Variants in PEBP4 observed in about 807,000 individuals in gnomAD.
PEBP4 encodes phosphatidylethanolamine binding protein 4.
Under a neutral mutation model 23.9 loss-of-function variants are expected in PEBP4, and 22 were observed. That is an observed-to-expected ratio of 0.92 (90% CI 0.66 to 1.31). PEBP4 has a LOEUF of 1.31. Among genes scored for constraint, PEBP4 ranks in the 40% most tolerant of loss-of-function variants. The pLI is 0.00. For synonymous variants in PEBP4, 112 were observed against 99.3 expected (o/e 1.13, Z -0.76); for missense variants, 324 against 281.7 (o/e 1.15, Z -1.07).
chr8:22,897,373 C>T (rs745592464), intron 3 of PEBP4, among the ~76,000 whole-genome samples: 1 of 151,986 alleles, frequency 6.6e-6, no homozygotes, highest in Non-Finnish European at 1.5e-5. Flanking sequence ...TACTGCTTGT[C>T]GAAGGAGAAG....
chr8:22,901,068 A>G (rs1808700843), intron 3 of PEBP4, among the ~76,000 whole-genome samples: 1 of 152,236 alleles, frequency 6.6e-6, no homozygotes, highest in Non-Finnish European at 1.5e-5. Flanking sequence ...CAATAGCCCT[A>G]CACATTTGCT....
intron 1 of PEBP4, 50 bp from the exon 2 acceptor site, chr8:22,927,770 C>T (rs1382938336): frequency 1.7e-5 from 28 of 1,606,954 alleles, no homozygotes. Flanking sequence ...AGGGGCCTTC[C>T]TGCCCACTAC....
intron 3 of PEBP4, among the ~76,000 whole-genome samples, chr8:22,839,325 G>C (rs530533954): frequency 6.6e-6 from 1 of 152,272 alleles, no homozygotes; most frequent in African/African-American, 2.4e-5. Context: ...TTGGGAAGAG[G>C]CAGGGGCTTT....
At chr8:22,772,500 T>C (rs1483753997) in intron 4 of PEBP4, among the ~76,000 whole-genome samples, 15 of 150,500 alleles carry the variant, frequency 1.0e-4, no homozygotes, top group East Asian at 3.9e-4. Flanking sequence ...TCTCTTTTTT[T>C]TTTTTTTTTT....
intron 3 of PEBP4, among the ~76,000 whole-genome samples, chr8:22,844,152 C>G (rs565779607): frequency 6.6e-6 from 1 of 152,318 alleles, no homozygotes; most frequent in East Asian, 1.9e-4. Flanking sequence ...CATTTTCCAG[C>G]TGACAGAGAA....
chr8:22,858,764 T>C (rs979971466), intron 3 of PEBP4, among the ~76,000 whole-genome samples: 25 of 152,126 alleles, frequency 1.6e-4, no homozygotes, highest in African/African-American at 6.0e-4. Context: ...CTAGCCAACA[T>C]GGTGAAATCC....
At chr8:22,893,866 A>G (rs1433601589) in intron 3 of PEBP4, among the ~76,000 whole-genome samples, 1 of 152,180 alleles carries the variant, frequency 6.6e-6, no homozygotes, top group East Asian at 1.9e-4. Flanking sequence ...ATTCCCTTTT[A>G]GGGAATATTA....
chr8:22,755,483 C>A (rs962834352), intron 4 of PEBP4, among the ~76,000 whole-genome samples: 2 of 151,890 alleles, frequency 1.3e-5, no homozygotes, highest in African/African-American at 2.4e-5. Context: ...TTACAGGTGC[C>A]CGCCACCACA....
At chr8:22,917,698 G>A (rs1334287978) in intron 3 of PEBP4, among the ~76,000 whole-genome samples, 1 of 152,106 alleles carries the variant, frequency 6.6e-6, no homozygotes, top group Non-Finnish European at 1.5e-5. Flanking sequence ...TTGCATTCAG[G>A]GCAACCATCC....
chr8:22,905,863 C>T (rs1808800608), intron 3 of PEBP4, among the ~76,000 whole-genome samples: 2 of 152,314 alleles, frequency 1.3e-5, no homozygotes, highest in South Asian at 2.1e-4. Context: ...GTACACCTCA[C>T]GTGGCCCTGT....
chr8:22,734,594 C>T (rs1251242950), intron 4 of PEBP4, among the ~76,000 whole-genome samples: 1 of 152,186 alleles, frequency 6.6e-6, no homozygotes, highest in Non-Finnish European at 1.5e-5. Context: ...GGTATCTTGG[C>T]ACAGTCTGGC....
At chr8:22,795,163 ATTTTTTTTTTTT>A (rs33911395) in intron 4 of PEBP4, among the ~76,000 whole-genome samples, 45 of 47,344 alleles carry the variant, frequency 9.5e-4, no homozygotes, top group African/African-American at 4.0e-3. Flanking sequence ...ATATATATAT[ATTTTTTTTTTTT>A]TTTTTTTTTT....
chr8:22,747,901 G>A (rs1805162774), intron 4 of PEBP4, among the ~76,000 whole-genome samples: 1 of 152,206 alleles, frequency 6.6e-6, no homozygotes, highest in Non-Finnish European at 1.5e-5. Context: ...TGTGGAGCAG[G>A]AGCCCAGGGC....
At chr8:22,907,768 G>C (rs1808846344) in intron 3 of PEBP4, among the ~76,000 whole-genome samples, 2 of 152,170 alleles carry the variant, frequency 1.3e-5, no homozygotes, top group African/African-American at 2.4e-5. Flanking sequence ...GCCTGGCTGA[G>C]AGTATGCTGG....
chr8:22,834,289 C>G (rs750562785), intron 3 of PEBP4, among the ~76,000 whole-genome samples: 14 of 152,222 alleles, frequency 9.2e-5, no homozygotes, highest in Non-Finnish European at 1.8e-4. Flanking sequence ...TTGAGTGTAA[C>G]AGCTGCTCTT....
chr8:22,853,802 G>A (rs1807590618), intron 3 of PEBP4, among the ~76,000 whole-genome samples: 2 of 152,204 alleles, frequency 1.3e-5, no homozygotes, highest in Non-Finnish European at 2.9e-5. Context: ...AACTTGTCCG[G>A]ACGAAGGCAA....
chr8:22,848,780 G>A (rs531437231), intron 3 of PEBP4, among the ~76,000 whole-genome samples: 1 of 152,184 alleles, frequency 6.6e-6, no homozygotes, highest in African/African-American at 2.4e-5. Context: ...GATGATGAGT[G>A]TCATCAAGAA....
At chr8:22,745,903 G>T (rs1805105639) in intron 4 of PEBP4, among the ~76,000 whole-genome samples, 1 of 152,228 alleles carries the variant, frequency 6.6e-6, no homozygotes, top group African/African-American at 2.4e-5. Flanking sequence ...TTAGGCGGCA[G>T]AACTGGAATT....
intron 4 of PEBP4, among the ~76,000 whole-genome samples, chr8:22,796,206 G>C (rs145464915): frequency 6.6e-6 from 1 of 152,196 alleles, no homozygotes; most frequent in East Asian, 1.9e-4. Context: ...ACAAATATCA[G>C]ACTCTTGAAC....
Sources: gnomAD v4.1 joint callset for allele counts (sites outside exome capture counted in the v4.1 genomes callset) on GRCh38, gnomAD v4.1.1 for gene constraint, MANE v1.5 for transcripts, NCBI Gene and HGNC (gene_info 2026-07-23, HGNC 2026-07-21) for gene names.